The following NSG1 variants were observed in gnomAD, a reference collection of about 807,000 sequenced individuals.
The protein encoded by NSG1 is neuronal vesicle trafficking-associated protein 1.
In NSG1, 9 loss-of-function variants were observed where a neutral mutation model predicts 19.3. The ratio of observed to expected loss-of-function variants is 0.47; its 90% confidence interval spans 0.28 to 0.81. The LOEUF is 0.81. Among genes scored for constraint, NSG1 ranks in the 40% least tolerant of loss-of-function variants. NSG1 has a pLI of 0.11. For synonymous variants in NSG1, 104 were observed against 107.0 expected (o/e 0.97, Z 0.17); for missense variants, 236 against 242.4 (o/e 0.97, Z 0.18).
chr4:4,406,704 C>T (rs1048389599), intron 3 of NSG1, among the ~76,000 whole-genome samples: 3 of 152,058 alleles, frequency 2.0e-5, no homozygotes, highest in East Asian at 1.9e-4. Context: ...CTCAGTGTCC[C>T]GTGACTGTCC....
In NSG1 at chr4:4,409,774, C is replaced by T. The variant is rs541353628; in HGVS notation, c.357+91C>T. 112 of 1,043,930 alleles carry T rather than the reference C, an allele frequency of 1.1e-4. No homozygotes were observed. In the East Asian group the frequency reaches 2.7e-3, roughly 25 times the overall value. The allele number at this position is 1,043,930 out of a possible 1,614,324, so 64.7% of individuals were successfully genotyped here. On this transcript the variant is annotated intron_variant, in intron 4 of 4. Transcript: ENST00000621129. ...TCAAGGCTGCTCCTGCCGTCTCCCC[C>T]AGCTGGCCCACGGACAGGCCTTAGA...
intron 2 of NSG1, among the ~76,000 whole-genome samples, chr4:4,389,041 C>G (rs1722873099): frequency 6.6e-6 from 1 of 152,224 alleles, no homozygotes; most frequent in African/African-American, 2.4e-5. Context: ...CGGGGCCTGG[C>G]CCCGAGGCCC....
chr4:4,405,823 C>T (rs888813800), intron 3 of NSG1, among the ~76,000 whole-genome samples: 11 of 152,188 alleles, frequency 7.2e-5, no homozygotes, highest in Non-Finnish European at 4.4e-5. Context: ...TCGGCTGGCT[C>T]CTCAGCCGTT....
chr4:4,402,348 G>T lies in NSG1; in HGVS notation c.247-7225G>T, dbSNP rs150028086. ...AGCCCTCCGAGTAGCTGGGATTATAGACACGCAGCACCACGCCTGGTTATT... is the reference window on the plus strand; with the variant it reads ...AGCCCTCCGAGTAGCTGGGATTATATACACGCAGCACCACGCCTGGTTATT... On this transcript the variant is annotated intron_variant, in intron 3 of 4. Coordinates refer to ENST00000621129, the MANE Select transcript of NSG1 (RefSeq NM_014392.5). Among the ~76,000 whole-genome samples the T allele has an allele frequency of 9.9e-4, 142 of 143,286 alleles. 1 individual carries two copies. Among genetic ancestry groups the T allele is most frequent in the Middle Eastern group, 3.8e-3 (1 of 264 alleles). The allele number at this position is 143,286 out of a possible 152,430, so 94.0% of individuals were successfully genotyped here.
rs1349740108 is a variant in NSG1, at chr4:4,393,558, C to A, written c.246+1967C>A. 1.3e-5 allele frequency among the ~76,000 whole-genome samples: 2 copies of A among 152,254 alleles called. 1 individual carries two copies. The highest frequency in any genetic ancestry group is 1.3e-4 in the Admixed American group (2 of 15,290). On this transcript the variant is annotated intron_variant, in intron 3 of 4. Transcript: ENST00000621129. ...ATCTCCCTGCCTCTACCTCCTGTGG[C>A]TGTCTGAGAAGGCGATGTATGCAGT...
At chr4:4,414,775 A>C (rs576915269) in intron 4 of NSG1, among the ~76,000 whole-genome samples, 1 of 151,994 alleles carries the variant, frequency 6.6e-6, no homozygotes, top group Non-Finnish European at 1.5e-5. Context: ...ACCTCCTACT[A>C]TGTGCACACT....
In NSG1 at chr4:4,417,470, C is replaced by T. The variant is rs769706726; in HGVS notation, c.*35C>T. The T allele has an allele frequency of 1.9e-6, 3 of 1,579,070 alleles. No individual in the cohort carries two copies. The East Asian group carries it at 6.7e-5, about 35-fold the overall frequency. Reference sequence around the variant, plus strand: ...CAAGTTCCTTACAATGTGTCACTTGCAAATAACAAAGGGACTTTGAGGGAC... The same window carrying T: ...CAAGTTCCTTACAATGTGTCACTTGTAAATAACAAAGGGACTTTGAGGGAC... On this transcript the variant is annotated 3_prime_UTR_variant, in exon 5 of 5. Transcript: ENST00000621129.
chr4:4,407,752 G>A (rs771356725), intron 3 of NSG1, among the ~76,000 whole-genome samples: 10 of 152,280 alleles, frequency 6.6e-5, no homozygotes, highest in South Asian at 2.1e-4. Context: ...AGACGGGGAC[G>A]TGGTGGAGGT....
intron 3 of NSG1, among the ~76,000 whole-genome samples, chr4:4,395,489 G>A (rs554011214): frequency 7.7e-4 from 117 of 152,292 alleles, no homozygotes; most frequent in African/African-American, 2.5e-3. Context: ...CCCTGAACGC[G>A]TGCACACAAT....
chr4:4,395,046 C>A (rs934756141), intron 3 of NSG1, among the ~76,000 whole-genome samples: 1 of 152,202 alleles, frequency 6.6e-6, no homozygotes, highest in African/African-American at 2.4e-5. Context: ...CTAGCTTGCC[C>A]AGGAAGCCTG....
intron 3 of NSG1, among the ~76,000 whole-genome samples, chr4:4,399,439 A>C (rs1229181839): frequency 6.6e-6 from 1 of 152,142 alleles, no homozygotes; most frequent in Non-Finnish European, 1.5e-5. Context: ...CACCTCACCC[A>C]GCCGTGTTTT....
Position 4,417,473 on chromosome 4 carries a change from A to G in NSG1, c.*38A>G. On this transcript the variant is annotated 3_prime_UTR_variant, in exon 5 of 5. Coordinates refer to ENST00000621129, the MANE Select transcript of NSG1 (RefSeq NM_014392.5). ...GTTCCTTACAATGTGTCACTTGCAA[A>G]TAACAAAGGGACTTTGAGGGACATT... is the stretch of plus-strand genomic sequence containing the variant. 2 of 1,573,268 alleles carry G rather than the reference A, an allele frequency of 1.3e-6. No individual in the cohort carries two copies.
At chr4:4,387,969 T>C (rs560542107) in intron 2 of NSG1, among the ~76,000 whole-genome samples, 1 of 152,220 alleles carries the variant, frequency 6.6e-6, no homozygotes, top group South Asian at 2.1e-4. Flanking sequence ...CCTTAGATGA[T>C]ATTCTCGTCC....
intron 2 of NSG1, among the ~76,000 whole-genome samples, chr4:4,388,469 T>G (rs2108718749): frequency 6.6e-6 from 1 of 152,362 alleles, no homozygotes; most frequent in East Asian, 1.9e-4. Context: ...GTAGTTTCTG[T>G]TTGCTAAGAA....
intron 3 of NSG1, among the ~76,000 whole-genome samples, chr4:4,400,347 G>A (rs1414604884): frequency 2.6e-5 from 4 of 152,094 alleles, no homozygotes; most frequent in Admixed American, 6.5e-5. Flanking sequence ...ATACCACTCC[G>A]TTTTGATTAT....
At chr4:4,386,696 T>C, upstream of NSG1, 1 of 152,064 alleles carries the variant, frequency 6.6e-6, no homozygotes, top group Non-Finnish European at 1.5e-5. Flanking sequence ...CCCGCACCCC[T>C]GGGGGTCGCT....
At chr4:4,394,572 G>A (rs1461240000) in intron 3 of NSG1, among the ~76,000 whole-genome samples, 1 of 152,122 alleles carries the variant, frequency 6.6e-6, no homozygotes, top group African/African-American at 2.4e-5. Flanking sequence ...CCGAGGAGGG[G>A]AACAAGGCCA....
intron 4 of NSG1, among the ~76,000 whole-genome samples, chr4:4,416,797 G>A: frequency 6.6e-6 from 1 of 152,022 alleles, no homozygotes; most frequent in East Asian, 1.9e-4. Context: ...CTTGAGTGCT[G>A]CCCCTCCCTC....
intron 3 of NSG1, among the ~76,000 whole-genome samples, chr4:4,408,918 G>T (rs369759332): frequency 6.6e-6 from 1 of 152,222 alleles, no homozygotes; most frequent in Non-Finnish European, 1.5e-5. Flanking sequence ...TGCAGCTGTC[G>T]TGAGTTCATC....
Sources: gnomAD v4.1 joint callset for allele counts (sites outside exome capture counted in the v4.1 genomes callset) on GRCh38, gnomAD v4.1.1 for gene constraint, MANE v1.5 for transcripts, NCBI Gene and HGNC (gene_info 2026-07-23, HGNC 2026-07-21) for gene names.